The following FILIP1 variants were observed in gnomAD, a reference collection of about 807,000 sequenced individuals.
The protein encoded by FILIP1 is filamin-A-interacting protein 1.
A neutral mutation model predicts 102.1 loss-of-function variants in FILIP1; 61 were observed. The observed-to-expected ratio is 0.60, with a 90% CI of 0.49 to 0.74. FILIP1 has a LOEUF of 0.74. FILIP1 is among the 30% of genes least tolerant of loss of function. The probability of loss-of-function intolerance (pLI) is 0.00; values close to 1 mark genes in which losing one functional copy is unlikely to be tolerated. For synonymous variants in FILIP1, 491 were observed against 526.9 expected, an observed-to-expected ratio of 0.93 and a Z score of 0.93; for missense variants, 1,314 against 1,441.2, an observed-to-expected ratio of 0.91 and a Z score of 1.43.
intron 1 of FILIP1, among the ~76,000 whole-genome samples, chr6:75,489,023 A>G (rs751023687): frequency 2.0e-5 from 3 of 152,188 alleles, no homozygotes; most frequent in Non-Finnish European, 4.4e-5. Flanking sequence ...GTAAAACAAA[A>G]CAAATCATCT....
chr6:75,313,049 G>C lies in FILIP1; in HGVS notation c.2783C>G (p.Thr928Arg), dbSNP rs370738613. 1.3e-5 allele frequency: 21 copies of C among 1,614,078 alleles called. No homozygotes were observed. The highest frequency in any genetic ancestry group is 1.4e-5 in the Non-Finnish European group (17 of 1,180,046). The change falls in exon 5 of 6, where the codon ACA becomes AGA. Residue 928 changes from threonine to arginine, a missense_variant. Thr to Arg is a moderately conservative substitution (Grantham distance 71). Around this residue, in one of 3 missense-constraint regions of FILIP1, gnomAD observed 816 missense variants for 913.1 expected, o/e 0.89. Coordinates refer to ENST00000237172, the MANE Select transcript of FILIP1 (RefSeq NM_015687.5). The surrounding 1 kb of genome is among the most constrained non-coding windows in gnomAD (Gnocchi z 4.2). ...AAAAAATTCTTCAGATGTCGGGCTT[G>C]TTATCTCCAAAGTCGCAGTGCTGTT... The part of the protein sequence containing the change: ...HENSTATLEI[T>R]SPTSEEFFSS...
Position 75,313,260 on chromosome 6 carries a change from G to A in FILIP1, c.2572C>T (p.Pro858Ser), listed in dbSNP as rs774343848. 6 of 1,614,164 alleles carry A rather than the reference G, an allele frequency of 3.7e-6. No homozygotes were observed. The Admixed American group carries it at 1.0e-4, about 27-fold the overall frequency. ...ERSSVLDRYP[P>S]AANELTMRKS... ...CTCATAGTGAGCTCATTTGCTGCTG[G>A]AGGATACCTGTCTAGAACAGAAGAT... The change falls in exon 5 of 6, where the codon CCA (proline) becomes TCA (serine). Residue 858 changes from proline (P) to serine (S), a missense_variant. Physicochemically the swap from Pro to Ser is moderately conservative, Grantham distance 74 (BLOSUM62 -1). Coordinates refer to ENST00000237172, the MANE Select transcript of FILIP1 (RefSeq NM_015687.5). This position sits in a 1 kb window ranked among gnomAD's most constrained non-coding sequence, Gnocchi z 4.2.
Position 75,319,938 on chromosome 6 carries a change from A to G in FILIP1, c.630-4736T>C, listed in dbSNP as rs1449273061. ...CAAGTTTGCACAAAGAATGCATATC[A>G]TGACATTTTGCCTCTCAGCTTCTTA... On this transcript the variant is annotated intron_variant, in intron 4 of 5. Transcript: ENST00000237172. 1.6e-5 allele frequency: 7 copies of G among 443,930 alleles called. No individual in the cohort carries two copies. In the East Asian group the frequency reaches 3.4e-4, roughly 22 times the overall value. 27.5% of individuals were successfully genotyped at this position (443,930 alleles called of 1,614,324 possible).
chr6:75,293,599 G>A (rs1772594477), exon 7 of FILIP1: 1 of 152,042 alleles, frequency 6.6e-6, no homozygotes, highest in East Asian at 1.9e-4. Context: ...GTTCTTGTAA[G>A]TTCCAAATTC....
intron 4 of FILIP1, chr6:75,319,612 C>T (rs1251288893): frequency 3.3e-5 from 15 of 449,972 alleles, no homozygotes; most frequent in South Asian, 1.9e-4. Context: ...TGGCGGATCA[C>T]AAGGTCAGGA....
downstream of FILIP1, among the ~76,000 whole-genome samples, chr6:75,307,668 G>C (rs1773030664): frequency 6.6e-6 from 1 of 152,050 alleles, no homozygotes; most frequent in Non-Finnish European, 1.5e-5. Context: ...AAAAATGAAA[G>C]AAACTGATTC....
At chr6:75,418,703 C>A (rs1050665757) in intron 1 of FILIP1, among the ~76,000 whole-genome samples, 6 of 152,016 alleles carry the variant, frequency 3.9e-5, no homozygotes, top group African/African-American at 1.4e-4. Context: ...CAGTGTATAT[C>A]CTTTAAAAAA....
chr6:75,422,286 G>A (rs1777494355), intron 1 of FILIP1, among the ~76,000 whole-genome samples: 1 of 152,018 alleles, frequency 6.6e-6, no homozygotes, highest in South Asian at 2.1e-4. Flanking sequence ...TAAACAAAAA[G>A]AGTAAGACCC....
intron 2 of FILIP1, among the ~76,000 whole-genome samples, chr6:75,370,762 A>C (rs1775493686): frequency 6.6e-6 from 1 of 151,700 alleles, no homozygotes; most frequent in African/African-American, 2.4e-5. Context: ...TTTTTAGTAG[A>C]GACAGGGTTT....
intron 3 of FILIP1, among the ~76,000 whole-genome samples, chr6:75,354,401 T>C (rs13191146): frequency 0.058 from 8,874 of 152,016 alleles, 333 homozygotes; most frequent in Non-Finnish European, 0.077. Context: ...TGAAAACCTG[T>C]CTCTACTAAA....
intron 2 of FILIP1, among the ~76,000 whole-genome samples, chr6:75,404,148 G>GA (rs2149675171): frequency 1.3e-5 from 2 of 152,186 alleles, no homozygotes; most frequent in East Asian, 3.9e-4. Flanking sequence ...GAGGTGGGGG[G>GA]ATCACTTGAG....
intron 6 of FILIP1, among the ~76,000 whole-genome samples, chr6:75,296,341 TTG>T (rs57430339): frequency 0.15 from 20,842 of 141,332 alleles, 1,461 homozygotes; most frequent in South Asian, 0.25. Context: ...TTCAATTTCT[TTG>T]TGTGTGTGTG....
At chr6:75,434,781 T>C (rs1401920619) in intron 1 of FILIP1, among the ~76,000 whole-genome samples, 1 of 152,258 alleles carries the variant, frequency 6.6e-6, no homozygotes, top group Non-Finnish European at 1.5e-5. Context: ...TCAAAGGGAA[T>C]GCTTCCAGCT....
intron 1 of FILIP1, among the ~76,000 whole-genome samples, chr6:75,446,783 A>G (rs577598249): frequency 4.6e-5 from 7 of 152,306 alleles, no homozygotes; most frequent in Admixed American, 3.3e-4. Context: ...GACGTTCTCC[A>G]GCAAATGTAA....
chr6:75,335,498 C>CTTCT (rs1290330313), intron 4 of FILIP1, among the ~76,000 whole-genome samples: 3 of 151,334 alleles, frequency 2.0e-5, no homozygotes, highest in African/African-American at 7.3e-5. Context: ...TTCTTCCTCC[C>CTTCT]TTCCTTCCTC....
intron 4 of FILIP1, among the ~76,000 whole-genome samples, chr6:75,316,966 T>C (rs758080745): frequency 3.5e-4 from 53 of 152,210 alleles, no homozygotes; most frequent in Admixed American, 2.0e-3. Context: ...AACTGGACTG[T>C]TAGAGATTAA....
intron 3 of FILIP1, among the ~76,000 whole-genome samples, chr6:75,355,568 A>C (rs1232208520): frequency 6.6e-6 from 1 of 151,802 alleles, no homozygotes; most frequent in South Asian, 2.1e-4. Flanking sequence ...ACGTCCAGCT[A>C]ATTTTTGTAT....
chr6:75,466,690 C>T (rs773182752), intron 1 of FILIP1, among the ~76,000 whole-genome samples: 4 of 152,140 alleles, frequency 2.6e-5, no homozygotes, highest in Non-Finnish European at 1.5e-5. Context: ...TCAACTAGGT[C>T]GGTGCTCTCC....
intron 1 of FILIP1, among the ~76,000 whole-genome samples, chr6:75,430,070 G>T (rs1777775614): frequency 6.6e-6 from 1 of 152,124 alleles, no homozygotes; most frequent in Non-Finnish European, 1.5e-5. Context: ...GGAGGTGATT[G>T]GATCATGGGG....
Sources: allele counts gnomAD v4.1 joint callset (sites outside exome capture counted in the v4.1 genomes callset), GRCh38; gene constraint gnomAD v4.1.1; regional missense constraint gnomAD v4.1.1; non-coding constraint Gnocchi (gnomAD v3.1); transcripts MANE v1.5; gene names NCBI Gene and HGNC (gene_info 2026-07-23, HGNC 2026-07-21).